SRD5A2: variants seen among roughly 807,000 people sequenced by gnomAD.
SRD5A2 encodes steroid 5 alpha-reductase 2.
SRD5A2 carries 30 observed loss-of-function variants against 27.4 expected under a neutral mutation model. That is an observed-to-expected ratio of 1.10 (90% CI 0.82 to 1.49). The LOEUF is 1.49. Ranked by LOEUF, SRD5A2 falls within the 40% of genes most tolerant of loss-of-function variation. SRD5A2 has a pLI of 0.00. For synonymous variants in SRD5A2, 141 were observed against 133.6 expected (o/e 1.06, Z -0.38); for missense variants, 348 against 323.4 (o/e 1.08, Z -0.58).
chr2:31,581,484 C>A (rs1216238502), upstream of SRD5A2, among the ~76,000 whole-genome samples: 1 of 152,192 alleles, frequency 6.6e-6, no homozygotes, highest in African/African-American at 2.4e-5. Flanking sequence ...GGGCGCCGCG[C>A]TCCTTAGCCA....
chr2:31,526,185 A>G lies in SRD5A2; in HGVS notation c.*11T>C. ...ATTGTGGGAGCTCTGCTCCTTTTTAATTTGGTTCCTTTAAAAGATGAATGG... is the reference window on the plus strand; with the variant it reads ...ATTGTGGGAGCTCTGCTCCTTTTTAGTTTGGTTCCTTTAAAAGATGAATGG... On this transcript the variant is annotated 3_prime_UTR_variant, in exon 5 of 5. Coordinates refer to ENST00000622030, the MANE Select transcript of SRD5A2 (RefSeq NM_000348.4). 6.4e-7 allele frequency: 1 copy of G among 1,558,896 alleles called. No individual in the cohort carries two copies. Among genetic ancestry groups the G allele is most frequent in the Non-Finnish European group, 8.7e-7 (1 of 1,144,630 alleles).
the SRD5A2 span, among the ~76,000 whole-genome samples, chr2:31,616,405 G>A: frequency 3.3e-5 from 5 of 152,332 alleles, no homozygotes; most frequent in Non-Finnish European, 5.9e-5. Context: ...GCCCATGAAA[G>A]CAGCCAGGAG....
chr2:31,527,150 G>A (rs1472764168), intron 4 of SRD5A2: 1 of 152,186 alleles, frequency 6.6e-6, no homozygotes, highest in Admixed American at 6.5e-5. Context: ...AATCTGTGTT[G>A]TTTTAAGCCG....
chr2:31,660,990 C>T, the SRD5A2 span, among the ~76,000 whole-genome samples: 7 of 152,006 alleles, frequency 4.6e-5, no homozygotes, highest in African/African-American at 1.7e-4. Flanking sequence ...TGTGGCATAC[C>T]AAACACGAGG....
intron 1 of SRD5A2, among the ~76,000 whole-genome samples, chr2:31,537,977 G>A (rs897715953): frequency 6.6e-6 from 1 of 152,146 alleles, no homozygotes; most frequent in Non-Finnish European, 1.5e-5. Context: ...CTAGAACCGT[G>A]TGAAATAGAT....
the SRD5A2 span, among the ~76,000 whole-genome samples, chr2:31,637,775 C>A: frequency 6.6e-6 from 1 of 152,026 alleles, no homozygotes; most frequent in African/African-American, 2.4e-5. Context: ...TGGGGTTTGA[C>A]TGCATCAGTT....
rs563783427 is a variant in SRD5A2 at position 31,555,211 on chromosome 2, A to C, written c.282-21445T>G. Among the ~76,000 whole-genome samples the C allele has an allele frequency of 2.0e-5, 3 of 152,014 alleles. No homozygotes were observed. In the East Asian group the frequency reaches 5.8e-4, roughly 29 times the overall value. On this transcript the variant is annotated intron_variant, in intron 1 of 4. Transcript: ENST00000622030. Reference sequence around the variant, plus strand: ...GAAAACCCAGGTTTGGATTTCAGACATTTTAGTCCAAGGACCTAATTGCAT... The same window carrying C: ...GAAAACCCAGGTTTGGATTTCAGACCTTTTAGTCCAAGGACCTAATTGCAT...
the SRD5A2 span, among the ~76,000 whole-genome samples, chr2:31,654,164 A>T: frequency 6.6e-6 from 1 of 152,058 alleles, no homozygotes; most frequent in Non-Finnish European, 1.5e-5. Context: ...GGGACTCATC[A>T]GAAATGGAAA....
chr2:31,635,131 C>T, the SRD5A2 span, among the ~76,000 whole-genome samples: 1 of 152,168 alleles, frequency 6.6e-6, no homozygotes, highest in Non-Finnish European at 1.5e-5. Flanking sequence ...AGTGTCTGTA[C>T]CAATTTACAT....
intron 1 of SRD5A2, among the ~76,000 whole-genome samples, chr2:31,549,160 T>TG (rs1666329602): frequency 1.3e-5 from 2 of 150,534 alleles, no homozygotes; most frequent in Admixed American, 1.3e-4. Context: ...TCACCCAGGC[T>TG]GGGGTGCAGT....
the SRD5A2 span, among the ~76,000 whole-genome samples, chr2:31,661,334 G>T: frequency 6.6e-6 from 1 of 152,108 alleles, no homozygotes. Flanking sequence ...CCATGGTCAG[G>T]TGTTCAATTT....
At chr2:31,569,174 C>T (rs1056556730) in intron 1 of SRD5A2, among the ~76,000 whole-genome samples, 1 of 152,250 alleles carries the variant, frequency 6.6e-6, no homozygotes, top group Non-Finnish European at 1.5e-5. Context: ...TGCGCAGCCC[C>T]AGCCATGCCT....
chr2:31,582,055 C>T (rs1667092716), upstream of SRD5A2, among the ~76,000 whole-genome samples: 1 of 152,170 alleles, frequency 6.6e-6, no homozygotes, highest in South Asian at 2.1e-4. Context: ...TTGACCTCCT[C>T]TTCCCACCTG....
At chr2:31,567,107 C>T (rs2148094226) in intron 1 of SRD5A2, among the ~76,000 whole-genome samples, 1 of 152,032 alleles carries the variant, frequency 6.6e-6, no homozygotes, top group African/African-American at 2.4e-5. Context: ...ACAATCAATC[C>T]CCAATTGTAG....
At chr2:31,582,884 TAGG>T (rs141935733), upstream of SRD5A2, among the ~76,000 whole-genome samples, 5,282 of 152,168 alleles carry the variant, frequency 0.035, 298 homozygotes, top group African/African-American at 0.12. Flanking sequence ...CATACAGCAT[TAGG>T]AGAACAGGCA....
rs1192367210 is a variant in SRD5A2 at position 31,525,691 on chromosome 2, G to A, written c.*505C>T. The A allele has an allele frequency of 4.4e-6, 1 of 228,616 alleles. No homozygotes were observed. 14.2% of individuals were successfully genotyped at this position (228,616 alleles called of 1,614,324 possible). On this transcript the variant is annotated 3_prime_UTR_variant, in exon 5 of 5. Coordinates refer to ENST00000622030, the MANE Select transcript of SRD5A2 (RefSeq NM_000348.4). ...TTCCTAATTAACCAAGAAAAAGGAA[G>A]CCATGACTGGGGTTTTCATTTGGGA...
the SRD5A2 span, among the ~76,000 whole-genome samples, chr2:31,597,415 CAA>C: frequency 1.3e-5 from 2 of 151,698 alleles, no homozygotes. Flanking sequence ...TTGCCTTAGT[CAA>C]AGAGTTCATG....
At position 31,563,664 on chromosome 2, in the gene SRD5A2, C is replaced by A. The variant is rs143546637; in HGVS notation, c.281+16956G>T. 8.4e-4 allele frequency among the ~76,000 whole-genome samples: 128 copies of A among 152,198 alleles called. 1 individual carries two copies. The East Asian group carries it at 0.011, about 13-fold the overall frequency. On this transcript the variant is annotated intron_variant, in intron 1 of 4. Transcript: ENST00000622030. ...AAGGACAGAGACACACGGAGACCTG[C>A]AGAGAATTTTCCTCAAGTATTAGCA... is the stretch of plus-strand genomic sequence containing the variant.
chr2:31,553,121 T>C (rs1405707217), intron 1 of SRD5A2, among the ~76,000 whole-genome samples: 1 of 152,126 alleles, frequency 6.6e-6, no homozygotes, highest in Non-Finnish European at 1.5e-5. Context: ...AGGAATCTAA[T>C]TGCTGAAAGA....
Sources: gnomAD v4.1 joint callset for allele counts (sites outside exome capture counted in the v4.1 genomes callset) on GRCh38, gnomAD v4.1.1 for gene constraint, MANE v1.5 for transcripts, NCBI Gene and HGNC (gene_info 2026-07-23, HGNC 2026-07-21) for gene names.